The following GNG7 variants were observed in gnomAD, a reference collection of about 807,000 sequenced individuals.
GNG7 encodes the protein guanine nucleotide-binding protein G(I)/G(S)/G(O) subunit gamma-7.
A neutral mutation model predicts 4.0 loss-of-function variants in GNG7; 1 was observed. That is an observed-to-expected ratio of 0.25 (90% CI 0.09 to 1.18). The LOEUF (loss-of-function observed/expected upper bound fraction) is 1.18. Among genes scored for constraint, GNG7 ranks in the 50% most tolerant of loss-of-function variants. GNG7 has a pLI of 0.50. For synonymous variants in GNG7, 34 were observed against 36.9 expected, an observed-to-expected ratio of 0.92 and a Z score of 0.29; for missense variants, 86 against 91.9, an observed-to-expected ratio of 0.94 and a Z score of 0.26.
chr19:2,662,239 G>A (rs963133798), intron 1 of GNG7, among the ~76,000 whole-genome samples: 10 of 130,060 alleles, frequency 7.7e-5, no homozygotes, highest in East Asian at 2.3e-4. Flanking sequence ...CAGTCTGGGC[G>A]ACAGAGCGAG....
rs185453646 is a variant in GNG7, at chr19:2,662,912, C to T, written c.-134-16632G>A. 1.9e-3 allele frequency among the ~76,000 whole-genome samples: 291 copies of T among 152,130 alleles called. 4 individuals are homozygous for T. The highest frequency in any genetic ancestry group is 3.4e-3 in the Middle Eastern group (1 of 294). ...TAACTAGAAGCTGTCAGCCATCAGT[C>T]GACTTATCATCATACAAAAAGACAT... On this transcript the variant is annotated intron_variant, in intron 1 of 4. Transcript: ENST00000382159.
chr19:2,527,994 G>A (rs1014815769), intron 3 of GNG7, among the ~76,000 whole-genome samples: 7 of 152,186 alleles, frequency 4.6e-5, no homozygotes, highest in Non-Finnish European at 5.9e-5. Context: ...TATGCTAGGC[G>A]TGGTGGCTCA....
At chr19:2,661,296 A>AGAGAG (rs1983156476) in intron 1 of GNG7, among the ~76,000 whole-genome samples, 2 of 58,594 alleles carry the variant, frequency 3.4e-5, no homozygotes, top group East Asian at 1.1e-3. Flanking sequence ...GAAAGAAAGA[A>AGAGAG]AGAAAGAGAA....
At chr19:2,594,093 G>A (rs578139938) in intron 2 of GNG7, among the ~76,000 whole-genome samples, 3 of 152,104 alleles carry the variant, frequency 2.0e-5, no homozygotes, top group South Asian at 2.1e-4. Flanking sequence ...AATCAAGGCC[G>A]GGCACAGTGG....
chr19:2,672,337 G>T (rs1014772313), intron 1 of GNG7, among the ~76,000 whole-genome samples: 1 of 150,884 alleles, frequency 6.6e-6, no homozygotes, highest in African/African-American at 2.4e-5. Flanking sequence ...TAAATATTTT[G>T]TAGAGATGGG....
rs1035513720 is a variant in GNG7 at position 2,514,881 on chromosome 19, T to C, written c.*141A>G. ...TTTTTTGGCGGGGAGAGGGGGGATT[T>C]CTTTTGGAATTAAAGGTTTTGGGGA... On this transcript the variant is annotated 3_prime_UTR_variant, in exon 5 of 5. Transcript: ENST00000382159. 2 of 687,608 alleles carry C rather than the reference T, an allele frequency of 2.9e-6. No homozygotes were observed. Among genetic ancestry groups the C allele is most frequent in the African/African-American group, 1.8e-5 (1 of 55,394 alleles). The allele number at this position is 687,608 out of a possible 1,614,324, so 42.6% of individuals were successfully genotyped here.
At chr19:2,662,238 C>T (rs149091740) in intron 1 of GNG7, among the ~76,000 whole-genome samples, 171 of 134,322 alleles carry the variant, frequency 1.3e-3, no homozygotes, top group African/African-American at 4.4e-3. Flanking sequence ...CCAGTCTGGG[C>T]GACAGAGCGA....
chr19:2,670,136 C>G (rs1216098865), intron 1 of GNG7, among the ~76,000 whole-genome samples: 1 of 152,186 alleles, frequency 6.6e-6, no homozygotes, highest in Admixed American at 6.5e-5. Context: ...GTCTCTCTCT[C>G]TCTCTGAGTG....
At chr19:2,674,905 C>T (rs568690675) in intron 1 of GNG7, among the ~76,000 whole-genome samples, 2 of 152,304 alleles carry the variant, frequency 1.3e-5, no homozygotes, top group African/African-American at 4.8e-5. Flanking sequence ...GAAAACTGTG[C>T]CATTGTACGT....
chr19:2,601,012 G>T (rs1186937667), intron 2 of GNG7, among the ~76,000 whole-genome samples: 1 of 152,106 alleles, frequency 6.6e-6, no homozygotes, highest in Non-Finnish European at 1.5e-5. Flanking sequence ...GTGTGTGCCT[G>T]TGCTCCCAGC....
intron 1 of GNG7, among the ~76,000 whole-genome samples, chr19:2,665,728 C>T (rs1016016442): frequency 1.3e-5 from 2 of 152,144 alleles, no homozygotes; most frequent in African/African-American, 4.8e-5. Context: ...AAGCAGCATC[C>T]ACCCTGTGAG....
chr19:2,675,680 T>C (rs75162160), intron 1 of GNG7, among the ~76,000 whole-genome samples: 10,134 of 151,838 alleles, frequency 0.067, 436 homozygotes, highest in Middle Eastern at 0.18. Context: ...TCCCGACACT[T>C]GGGGGTCTCA....
At chr19:2,517,966 G>A (rs1409536164) in intron 4 of GNG7, among the ~76,000 whole-genome samples, 2 of 152,294 alleles carry the variant, frequency 1.3e-5, no homozygotes, top group East Asian at 1.9e-4. Context: ...TGAGCCCGCC[G>A]GCTGCGGCCT....
Position 2,523,744 on chromosome 19 carries a change from C to T in GNG7, c.-37-3019G>A, listed in dbSNP as rs558325305. Among the ~76,000 whole-genome samples, 18 of 152,238 alleles carry T rather than the reference C, an allele frequency of 1.2e-4. No individual in the cohort carries two copies. In the South Asian group the frequency reaches 1.2e-3, roughly 11 times the overall value. ...CTTTACCAAATGTTACCACCAGGGA[C>T]GGCCGGGGAATGACACACAGAATTC... is the stretch of plus-strand genomic sequence containing the variant. On this transcript the variant is annotated intron_variant, in intron 3 of 4. Transcript: ENST00000382159.
Position 2,557,146 on chromosome 19 carries a change from A to G in GNG7, c.-77-1958T>C, listed in dbSNP as rs1327969335. ...ACACACGTGTACTGCACACTCACGC[A>G]CATGCACACAAAGACACGCGCACAC... On this transcript the variant is annotated intron_variant, in intron 2 of 4. Coordinates refer to ENST00000382159, the MANE Select transcript of GNG7 (RefSeq NM_052847.3). The surrounding 1 kb of genome is among the most constrained non-coding windows in gnomAD (Gnocchi z 5.1). Among the ~76,000 whole-genome samples the G allele has an allele frequency of 6.6e-6, 1 of 151,402 alleles. No individual in the cohort carries two copies. Among genetic ancestry groups the G allele is most frequent in the Non-Finnish European group, 1.5e-5 (1 of 67,870 alleles).
intron 2 of GNG7, among the ~76,000 whole-genome samples, chr19:2,582,422 A>C (rs28463383): frequency 0.17 from 25,829 of 152,162 alleles, 2,325 homozygotes; most frequent in Non-Finnish European, 0.19. Flanking sequence ...AAAACTTTCA[A>C]GCTCTCCAGT....
In GNG7 at chr19:2,515,055, G is replaced by A; in HGVS notation, c.174C>T (p.Pro58=). 1 of 1,614,016 alleles carries A rather than the reference G, an allele frequency of 6.2e-7. No homozygotes were observed. The highest frequency in any genetic ancestry group is 8.5e-7 in the Non-Finnish European group (1 of 1,179,904). The change falls in exon 5 of 5, where the codon CCC becomes CCT. Residue 58 remains proline (P), a synonymous_variant. Transcript: ENST00000382159. ...TAATACAAGGTTTCTTGTCCTTAAA[G>A]GGGTTCTCCGAGGCAGGGACTCCGA... ...LLVGVPASEN[P]FKDKKPCIIL
At chr19:2,641,468 C>G (rs1347813668) in intron 2 of GNG7, among the ~76,000 whole-genome samples, 3 of 106,620 alleles carry the variant, frequency 2.8e-5, no homozygotes, top group Admixed American at 1.0e-4. Flanking sequence ...GAGAGTCAAA[C>G]AGAGACTGGA....
Position 2,512,191 on chromosome 19 carries a change from C to G in GNG7, c.*2831G>C. 1 of 985,934 alleles carries G rather than the reference C, an allele frequency of 1.0e-6. No individual in the cohort carries two copies. Among genetic ancestry groups the G allele is most frequent in the Non-Finnish European group, 1.2e-6 (1 of 829,998 alleles). 61.1% of individuals were successfully genotyped at this position (985,934 alleles called of 1,614,324 possible). A position where few individuals can be genotyped will look rare whatever the true frequency, so the allele number is the denominator to read the frequency against. ...TGCTGCTGCCACCCCCGCCCGCCAG[C>G]TCCCCGTCTGGAGGTGCACGCGCGC... On this transcript the variant is annotated 3_prime_UTR_variant, in exon 5 of 5. Coordinates refer to ENST00000382159, the MANE Select transcript of GNG7 (RefSeq NM_052847.3). This position sits in a 1 kb window ranked among gnomAD's most constrained non-coding sequence, Gnocchi z 4.7.
Sources: allele counts gnomAD v4.1 joint callset (sites outside exome capture counted in the v4.1 genomes callset), GRCh38; gene constraint gnomAD v4.1.1; non-coding constraint Gnocchi (gnomAD v3.1); transcripts MANE v1.5; gene names NCBI Gene and HGNC (gene_info 2026-07-23, HGNC 2026-07-21).